OR6C6: variants seen among roughly 807,000 people sequenced by gnomAD.
The protein encoded by OR6C6 is olfactory receptor family 6 subfamily C member 6, also known as olfactory receptor 6C6.
For missense variants in OR6C6, 411 were observed against 366.8 expected (o/e 1.12, Z -0.98); for synonymous variants, 140 against 135.2 (o/e 1.04, Z -0.25).
Position 55,295,067 on chromosome 12 carries a change from G to A in OR6C6, c.166C>T (p.Pro56Ser). The A allele has an allele frequency of 1.2e-6, 2 of 1,613,992 alleles. No homozygotes were observed. Among genetic ancestry groups the A allele is most frequent in the Non-Finnish European group, 1.7e-6 (2 of 1,179,992 alleles). ...LTLLDPRLKT[P>S]MYFFLRNFSF... ...AAATTACGGAGAAAGAAATACATTG[G>A]CGTCTTGAGCCGGGGATCCAGCAGG... Residue 56 changes from proline (P) to serine (S), a missense_variant, in exon 2 of 2, where the codon CCA becomes TCA. Transcript: ENST00000358433.
chr12:55,294,978 A>C lies in OR6C6; in HGVS notation c.255T>G (p.Thr85=), dbSNP rs1243496344. The C allele has an allele frequency of 6.2e-7, 1 of 1,613,624 alleles. No homozygotes were observed. Among genetic ancestry groups the C allele is most frequent in the South Asian group, 1.1e-5 (1 of 91,072 alleles). The change falls in exon 2 of 2, where the codon ACT becomes ACG. Residue 85 remains threonine (T), a synonymous_variant. Coordinates refer to ENST00000358433, the MANE Select transcript of OR6C6 (RefSeq NM_001005493.2). ...TATTATAAGAAATGGTTTTGTCTCT[A>C]GTCACAATGGTTATCAAGAATCTAG... is the stretch of plus-strand genomic sequence containing the variant. ...CIPRFLITIV[T]RDKTISYNNC...
chr12:55,295,816 A>G (rs1868253964), intron 1 of OR6C6, among the ~76,000 whole-genome samples: 1 of 152,046 alleles, frequency 6.6e-6, no homozygotes, highest in South Asian at 2.1e-4. Context: ...TTTTATTGGC[A>G]CTTTTCTATA....
In OR6C6 at chr12:55,294,614, C is replaced by T. The variant is rs1468168756; in HGVS notation, c.619G>A (p.Val207Ile). ...SFTLAVVTLV[V>I]TLVLVILSYT... is the part of the protein sequence containing the mutation. ...GAGAGAATCACTAATACCAGTGTGA[C>T]CACAAGTGTCACCACAGCTAAGGTA... The change falls in exon 2 of 2, where the codon GTC becomes ATC. Residue 207 changes from valine (V) to isoleucine (I), a missense_variant. By Grantham distance (29) the Val-to-Ile change is conservative. Transcript: ENST00000358433. 1 of 1,613,840 alleles carries T rather than the reference C, an allele frequency of 6.2e-7. No homozygotes were observed. The highest frequency in any genetic ancestry group is 1.3e-5 in the African/African-American group (1 of 74,916).
chr12:55,294,931 A>G lies in OR6C6; in HGVS notation c.302T>C (p.Phe101Ser). The G allele has an allele frequency of 6.2e-7, 1 of 1,613,976 alleles. No individual in the cohort carries two copies. Among genetic ancestry groups the G allele is most frequent in the Non-Finnish European group, 8.5e-7 (1 of 1,179,944 alleles). The change falls in exon 2 of 2, where the codon TTT becomes TCT. Residue 101 changes from phenylalanine (F) to serine (S), a missense_variant. Coordinates refer to ENST00000358433, the MANE Select transcript of OR6C6 (RefSeq NM_001005493.2). ...CTCAGTAACTCCCGGTAAAAGGATA[A>G]AAAATAATTGAGTTGCACAATTATT... is the stretch of plus-strand genomic sequence containing the variant. ...SYNNCATQLF[F>S]ILLPGVTEFY... is the part of the protein sequence containing the mutation.
At position 55,295,092 on chromosome 12, in the gene OR6C6, G is replaced by A. The variant is rs1374431294; in HGVS notation, c.141C>T (p.Thr47=). Reference sequence around the variant, plus strand: ...GCGTCTTGAGCCGGGGATCCAGCAGGGTGAGGATGATGATGATTAAGTTCC... The same window carrying A: ...GCGTCTTGAGCCGGGGATCCAGCAGAGTGAGGATGATGATGATTAAGTTCC... ...LMGNLIIIIL[T]LLDPRLKTPM... is the part of the protein sequence containing the mutation. Residue 47 remains threonine (T), a synonymous_variant, in exon 2 of 2, where the codon ACC becomes ACT. Transcript: ENST00000358433. 1 of 1,613,892 alleles carries A rather than the reference G, an allele frequency of 6.2e-7. No individual in the cohort carries two copies. Among genetic ancestry groups the A allele is most frequent in the Non-Finnish European group, 8.5e-7 (1 of 1,179,934 alleles).
At chr12:55,295,975 G>C (rs1031108949) in intron 1 of OR6C6, among the ~76,000 whole-genome samples, 1 of 151,532 alleles carries the variant, frequency 6.6e-6, no homozygotes, top group African/African-American at 2.4e-5. Flanking sequence ...ACATAATTTC[G>C]GCTATTTTTT....
At chr12:55,295,309 T>G (rs959719091) in intron 1 of OR6C6, 52 bp from the exon 2 acceptor site, 2 of 695,074 alleles carry the variant, frequency 2.9e-6, no homozygotes, top group African/African-American at 3.7e-5. Context: ...ATATATGTAT[T>G]TCTAAAGCAG....
Sources: allele counts gnomAD v4.1 joint callset (sites outside exome capture counted in the v4.1 genomes callset), GRCh38; gene constraint gnomAD v4.1.1; transcripts MANE v1.5; gene names NCBI Gene and HGNC (gene_info 2026-07-23, HGNC 2026-07-21).